The following APOC4 variants were observed in gnomAD, a reference collection of about 807,000 sequenced individuals.
APOC4 encodes the protein apolipoprotein C4.
APOC4 carries 10 observed loss-of-function variants against 8.4 expected under a neutral mutation model. The observed-to-expected ratio is 1.19, with a 90% CI of 0.74 to 2.03. APOC4 has a LOEUF of 2.03. APOC4 is among the 30% of genes most tolerant of loss of function. The pLI is 0.00. For missense variants in APOC4, 160 were observed against 156.1 expected (o/e 1.02, Z -0.13); for synonymous variants, 59 against 65.8 (o/e 0.90, Z 0.50).
chr19:44,944,380 A>G (rs896666457), intron 1 of APOC4, among the ~76,000 whole-genome samples: 4 of 151,992 alleles, frequency 2.6e-5, no homozygotes, highest in Admixed American at 1.3e-4. Flanking sequence ...TACAAAAATT[A>G]GCCGGGCATG....
chr19:44,942,361 G>T lies in APOC4; in HGVS notation c.76+8G>T. 1 of 1,613,118 alleles carries T rather than the reference G, an allele frequency of 6.2e-7. No individual in the cohort carries two copies. Among genetic ancestry groups the T allele is most frequent in the Non-Finnish European group, 8.5e-7 (1 of 1,179,516 alleles). ...TCCTGGCCTGCATTGGGGGTGAGAA[G>T]AAGTGGGTGGAGGGATGTGGGGCCC... is the stretch of plus-strand genomic sequence containing the variant. On this transcript the variant is annotated splice_region_variant and intron_variant, in intron 1 of 2. Transcript: ENST00000592954.
chr19:44,945,387 G>A lies in APOC4; in HGVS notation c.*82G>A. 1 of 1,451,940 alleles carries A rather than the reference G, an allele frequency of 6.9e-7. No individual in the cohort carries two copies. The highest frequency in any genetic ancestry group is 9.3e-7 in the Non-Finnish European group (1 of 1,076,446). The allele number at this position is 1,451,940 out of a possible 1,614,324, so 89.9% of individuals were successfully genotyped here. On this transcript the variant is annotated 3_prime_UTR_variant, in exon 3 of 3. Coordinates refer to ENST00000592954, the MANE Select transcript of APOC4 (RefSeq NM_001646.3). ...GGAGGCTGAGGTAGGATGATGGCTT[G>A]AGCCCAGGAGTTCGAGACCAGCCTG...
At chr19:44,943,154 CT>C (rs1166431419) in intron 1 of APOC4, among the ~76,000 whole-genome samples, 1 of 152,020 alleles carries the variant, frequency 6.6e-6, no homozygotes, top group African/African-American at 2.4e-5. Flanking sequence ...ATATCCTGAC[CT>C]CGTGATCCGC....
chr19:44,945,349 T>A lies in APOC4; in HGVS notation c.*44T>A, dbSNP rs1195899370. ...GTGTGGTTGTGGCGGGTGCCTGTAGTCCCAGCTACTCAGGAGGCTGAGGTA... is the reference window on the plus strand; with the variant it reads ...GTGTGGTTGTGGCGGGTGCCTGTAGACCCAGCTACTCAGGAGGCTGAGGTA... On this transcript the variant is annotated 3_prime_UTR_variant, in exon 3 of 3. Coordinates refer to ENST00000592954, the MANE Select transcript of APOC4 (RefSeq NM_001646.3). 1 of 1,577,346 alleles carries A rather than the reference T, an allele frequency of 6.3e-7. No homozygotes were observed. Among genetic ancestry groups the A allele is most frequent in the African/African-American group, 1.4e-5 (1 of 74,056 alleles).
Position 44,942,347 on chromosome 19 carries a change from A to C in APOC4, c.70A>C (p.Ile24Leu), listed in dbSNP as rs751488815. 3 of 1,613,400 alleles carry C rather than the reference A, an allele frequency of 1.9e-6. No individual in the cohort carries two copies. Among genetic ancestry groups the C allele is most frequent in the Admixed American group, 3.3e-5 (2 of 59,966 alleles). ...CCTCTGCGTGCTGGTCCTGGCCTGC[A>C]TTGGGGGTGAGAAGAAGTGGGTGGA... Reference protein sequence around the residue: ...LCLCVLVLACIGACQPEAQEG... With the variant: ...LCLCVLVLACLGACQPEAQEG... The change falls in exon 1 of 3, where the codon ATT becomes CTT. Residue 24 changes from isoleucine to leucine, a missense_variant. By Grantham distance (5) the Ile-to-Leu change is conservative. Coordinates refer to ENST00000592954, the MANE Select transcript of APOC4 (RefSeq NM_001646.3).
Position 44,945,185 on chromosome 19 carries a change from C to A in APOC4, c.264C>A (p.Asp88Glu). 6.2e-7 allele frequency: 1 copy of A among 1,614,096 alleles called. No homozygotes were observed. The highest frequency in any genetic ancestry group is 8.5e-7 in the Non-Finnish European group (1 of 1,180,012). ...GCTTCATGCAGACCTACTATGACGA[C>A]CACCTGAGGGACCTGGGTCCGCTCA... is the stretch of plus-strand genomic sequence containing the variant. ...FRGFMQTYYDDHLRDLGPLTK... is the reference protein window; with the variant it reads ...FRGFMQTYYDEHLRDLGPLTK... The change falls in exon 3 of 3, where the codon GAC becomes GAA. Residue 88 changes from aspartate (D) to glutamate (E), a missense_variant. Physicochemically the swap from Asp to Glu is conservative, Grantham distance 45 (BLOSUM62 2). Transcript: ENST00000592954.
At chr19:44,943,503 C>T (rs988583801) in intron 1 of APOC4, among the ~76,000 whole-genome samples, 4 of 151,756 alleles carry the variant, frequency 2.6e-5, no homozygotes, top group African/African-American at 9.7e-5. Context: ...GCGGGTGGAT[C>T]GCAAGGTCAG....
At chr19:44,942,453 G>A (rs1970269350) in intron 1 of APOC4, 100 bp downstream of exon 1, 5 of 1,178,630 alleles carry the variant, frequency 4.2e-6, no homozygotes, top group African/African-American at 1.5e-5. Flanking sequence ...CATGAGTACG[G>A]AGTGTGTGCG....
chr19:44,944,557 A>C (rs1043714178), intron 1 of APOC4, among the ~76,000 whole-genome samples, 192 bp from the exon 2 acceptor site: 2 of 151,886 alleles, frequency 1.3e-5, no homozygotes, highest in African/African-American at 2.4e-5. Flanking sequence ...AAAAGAAAAA[A>C]AAAAAGAGAT....
chr19:44,942,429 GT>G, intron 1 of APOC4, 76 bp downstream of exon 1: 3 of 1,425,042 alleles, frequency 2.1e-6, no homozygotes, highest in Non-Finnish European at 2.9e-6. Context: ...CTGTGGCTCT[GT>G]AGCCACGTGA....
intron 2 of APOC4, 66 bp from the exon 3 acceptor site, chr19:44,945,074 G>A (rs1410670607): frequency 4.8e-5 from 76 of 1,570,038 alleles, no homozygotes; most frequent in Non-Finnish European, 6.1e-5. Context: ...GAGAGGAGCG[G>A]ATAAATGGGG....
rs1132899 is a variant in APOC4, at chr19:44,944,779, T to C, written c.107T>C (p.Leu36Pro). The C allele has an allele frequency of 0.54, 872,306 of 1,610,240 alleles. 240,998 individuals carry two copies. The highest frequency in any genetic ancestry group is 0.73 in the Admixed American group (43,420 of 59,308). The change falls in exon 2 of 3, where the codon CTG becomes CCG. Residue 36 changes from leucine (L) to proline (P), a missense_variant. Physicochemically the swap from Leu to Pro is moderately conservative, Grantham distance 98. Transcript: ENST00000592954. ...CAGCCAGAGGCCCAGGAAGGAACCC[T>C]GAGCCCCCCACCAAAGCTAAAGATG... ...ACQPEAQEGT[L>P]SPPPKLKMSR...
chr19:44,942,614 A>T (rs954127910), intron 1 of APOC4, among the ~76,000 whole-genome samples: 16 of 151,914 alleles, frequency 1.1e-4, no homozygotes, highest in Non-Finnish European at 1.8e-4. Context: ...GTGGTAAAAA[A>T]GTGCATGTCT....
chr19:44,942,409 GC>G, intron 1 of APOC4, 56 bp downstream of exon 1: 2 of 1,569,750 alleles, frequency 1.3e-6, no homozygotes, highest in Non-Finnish European at 1.7e-6. Context: ...TGTGAGTGTG[GC>G]TGTGTGTCCT....
chr19:44,942,653 GTC>G (rs1258057978), intron 1 of APOC4, among the ~76,000 whole-genome samples: 3 of 152,108 alleles, frequency 2.0e-5, no homozygotes, highest in Admixed American at 6.6e-5. Flanking sequence ...GTGTGCACCT[GTC>G]TCTCTGTGGG....
At chr19:44,943,312 G>A (rs569269455) in intron 1 of APOC4, among the ~76,000 whole-genome samples, 4 of 151,580 alleles carry the variant, frequency 2.6e-5, no homozygotes, top group South Asian at 4.2e-4. Flanking sequence ...CAGGTGATCC[G>A]CCCGCCTTGG....
chr19:44,945,080 T>C, intron 2 of APOC4, 60 bp from the exon 3 acceptor site: 2 of 1,574,842 alleles, frequency 1.3e-6, no homozygotes, highest in African/African-American at 1.4e-5. Context: ...AGCGGATAAA[T>C]GGGGCAGAGA....
chr19:44,944,656 C>T, intron 1 of APOC4, 93 bp from the exon 2 acceptor site: 1 of 1,456,494 alleles, frequency 6.9e-7, no homozygotes, highest in Non-Finnish European at 9.1e-7. Context: ...TGCCCCTGGG[C>T]CACCGGGAGC....
intron 1 of APOC4, among the ~76,000 whole-genome samples, chr19:44,944,415 T>C (rs1599987017): frequency 6.6e-6 from 1 of 151,926 alleles, no homozygotes; most frequent in South Asian, 2.1e-4. Flanking sequence ...TAATCCCTGC[T>C]ACTCGGGAGG....
Sources: gnomAD v4.1 joint callset for allele counts (sites outside exome capture counted in the v4.1 genomes callset) on GRCh38, gnomAD v4.1.1 for gene constraint, MANE v1.5 for transcripts, NCBI Gene and HGNC (gene_info 2026-07-23, HGNC 2026-07-21) for gene names.